The following RABGAP1L variants were observed in gnomAD, a reference collection of about 807,000 sequenced individuals.
The protein encoded by RABGAP1L is rab GTPase-activating protein 1-like.
In RABGAP1L, 63 loss-of-function variants were observed where a neutral mutation model predicts 137.7. The ratio of observed to expected loss-of-function variants is 0.46; its 90% CI spans 0.37 to 0.56. The LOEUF is 0.56. RABGAP1L is among the 20% of genes least tolerant of loss of function. RABGAP1L has a pLI of 0.00. For missense variants in RABGAP1L, 1,095 were observed against 1,244.0 expected (o/e 0.88, Z 1.80); for synonymous variants, 431 against 433.7 (o/e 0.99, Z 0.08).
chr1:174,597,730 T>A (rs767231014), intron 13 of RABGAP1L, among the ~76,000 whole-genome samples: 1 of 152,188 alleles, frequency 6.6e-6, no homozygotes, highest in Non-Finnish European at 1.5e-5. Flanking sequence ...CAATTTCATT[T>A]ATTTCTGCTT....
At chr1:174,411,005 A>G (rs1649863334) in intron 13 of RABGAP1L, among the ~76,000 whole-genome samples, 1 of 151,972 alleles carries the variant, frequency 6.6e-6, no homozygotes, top group African/African-American at 2.4e-5. Flanking sequence ...TATGTGGCTA[A>G]TTGTGGGATT....
chr1:174,925,354 C>CAAAAAA (rs545791515), intron 19 of RABGAP1L, among the ~76,000 whole-genome samples: 3 of 54,752 alleles, frequency 5.5e-5, no homozygotes, highest in Non-Finnish European at 7.7e-5. Flanking sequence ...GACTCCGTCT[C>CAAAAAA]AAAAAAAAAA....
intron 14 of RABGAP1L, among the ~76,000 whole-genome samples, chr1:174,680,768 C>T (rs977009513): frequency 2.6e-5 from 4 of 151,928 alleles, no homozygotes; most frequent in African/African-American, 9.7e-5. Flanking sequence ...GGTGGGGCAG[C>T]CTGTAGTCCC....
intron 19 of RABGAP1L, chr1:174,938,331 T>C (rs1251425708): frequency 6.6e-6 from 1 of 152,232 alleles, no homozygotes; most frequent in Non-Finnish European, 1.5e-5. Flanking sequence ...TAGTTTCTTG[T>C]AATAAAATAT....
rs536836224 is a variant in RABGAP1L, at chr1:174,580,473, CCTT to C, written c.1711-56898_1711-56896del. ...GCCATAAAAAATGATAAGTTCATGT[CCTT>C]CTTAGGGACATGGATTAAGCTGGAA... On this transcript the variant is annotated intron_variant, in intron 13 of 25. Coordinates refer to ENST00000681986, the MANE Select transcript of RABGAP1L (RefSeq NM_001366446.1). 2.3e-3 allele frequency among the ~76,000 whole-genome samples: 355 copies of C among 152,280 alleles called. 1 individual carries two copies. The highest frequency in any genetic ancestry group is 4.5e-3 in the Non-Finnish European group (303 of 68,016).
intron 11 of RABGAP1L, among the ~76,000 whole-genome samples, chr1:174,359,749 C>T (rs545825062): frequency 3.1e-4 from 47 of 152,134 alleles, no homozygotes; most frequent in Non-Finnish European, 5.9e-4. Flanking sequence ...TTTATTAGCA[C>T]GGTAACCTTG....
intron 12 of RABGAP1L, among the ~76,000 whole-genome samples, chr1:174,386,184 C>T (rs1226804316): frequency 1.3e-5 from 2 of 152,172 alleles, no homozygotes; most frequent in Non-Finnish European, 2.9e-5. Context: ...ACTGACAGTT[C>T]AGTGTACTTA....
chr1:174,623,004 T>C (rs538412222), intron 13 of RABGAP1L, among the ~76,000 whole-genome samples: 1 of 152,344 alleles, frequency 6.6e-6, no homozygotes, highest in African/African-American at 2.4e-5. Flanking sequence ...AGTTATGTGA[T>C]CAACTTTTCA....
At chr1:174,614,995 G>C (rs1348356694) in intron 13 of RABGAP1L, among the ~76,000 whole-genome samples, 1 of 152,106 alleles carries the variant, frequency 6.6e-6, no homozygotes, top group Non-Finnish European at 1.5e-5. Context: ...TTTTTTCAAA[G>C]TTATTAACTT....
At chr1:174,526,902 G>A (rs1031156311) in intron 13 of RABGAP1L, among the ~76,000 whole-genome samples, 1 of 151,936 alleles carries the variant, frequency 6.6e-6, no homozygotes, top group Non-Finnish European at 1.5e-5. Flanking sequence ...CTAGTTCCTT[G>A]AGGCATATTG....
At chr1:174,957,946 GA>G in intron 20 of RABGAP1L, 3 of 1,573,770 alleles carry the variant, frequency 1.9e-6, no homozygotes, top group Non-Finnish European at 2.6e-6. Context: ...ATCTTCATAA[GA>G]AGCTGAGAGA....
At chr1:174,931,714 T>C (rs1390437230) in intron 19 of RABGAP1L, among the ~76,000 whole-genome samples, 1 of 152,226 alleles carries the variant, frequency 6.6e-6, no homozygotes, top group Non-Finnish European at 1.5e-5. Flanking sequence ...ATCGGTCTTC[T>C]GTGCACTAAA....
At chr1:174,243,970 G>C (rs565366337) in intron 5 of RABGAP1L, among the ~76,000 whole-genome samples, 7 of 152,142 alleles carry the variant, frequency 4.6e-5, no homozygotes, top group Non-Finnish European at 8.8e-5. Context: ...GGATTTATTG[G>C]TAACATAGCT....
intron 13 of RABGAP1L, among the ~76,000 whole-genome samples, chr1:174,503,390 G>T (rs1377295142): frequency 6.6e-6 from 1 of 152,234 alleles, no homozygotes; most frequent in Middle Eastern, 3.4e-3. Flanking sequence ...GGCCCAGCAT[G>T]ATGGCTCATG....
intron 17 of RABGAP1L, among the ~76,000 whole-genome samples, chr1:174,750,918 G>T (rs908273510): frequency 1.3e-5 from 2 of 152,154 alleles, no homozygotes; most frequent in African/African-American, 4.8e-5. Context: ...GTGGGCAGCA[G>T]CTAGTGGGTG....
intron 13 of RABGAP1L, among the ~76,000 whole-genome samples, chr1:174,601,467 T>C (rs1257404843): frequency 2.0e-5 from 3 of 151,188 alleles, no homozygotes; most frequent in Non-Finnish European, 4.4e-5. Context: ...GGACATAGGG[T>C]GGGGAACATC....
At chr1:174,865,171 A>G (rs1423733353) in intron 19 of RABGAP1L, among the ~76,000 whole-genome samples, 3 of 152,090 alleles carry the variant, frequency 2.0e-5, no homozygotes, top group Non-Finnish European at 2.9e-5. Context: ...TTGCACAAAT[A>G]TATTAGCAGT....
chr1:174,889,412 G>A (rs142986225), intron 19 of RABGAP1L, among the ~76,000 whole-genome samples: 12,349 of 151,966 alleles, frequency 0.081, 577 homozygotes, highest in Admixed American at 0.11. Context: ...GTGAGCCACC[G>A]CGTCCGGCCC....
chr1:174,534,743 C>G (rs1446786214), intron 13 of RABGAP1L, among the ~76,000 whole-genome samples: 2 of 131,944 alleles, frequency 1.5e-5, no homozygotes, highest in Non-Finnish European at 3.1e-5. Context: ...CCACTGCACT[C>G]CAGCTTGGAT....
Sources: allele counts gnomAD v4.1 joint callset (sites outside exome capture counted in the v4.1 genomes callset), GRCh38; gene constraint gnomAD v4.1.1; transcripts MANE v1.5; gene names NCBI Gene and HGNC (gene_info 2026-07-23, HGNC 2026-07-21).